The following EPM2A variants were observed in gnomAD, a reference collection of about 807,000 sequenced individuals.
EPM2A encodes EPM2A glucan phosphatase, laforin, also known as laforin.
In EPM2A, 21 loss-of-function variants were observed where a neutral mutation model predicts 26.5. The observed-to-expected ratio is 0.79, with a 90% CI of 0.56 to 1.14. The LOEUF is 1.14. Ranked by LOEUF, EPM2A falls within the 50% of genes most tolerant of loss-of-function variation. EPM2A has a pLI of 0.00. For missense variants in EPM2A, 458 were observed against 440.8 expected (o/e 1.04, Z -0.35); for synonymous variants, 217 against 177.6 (o/e 1.22, Z -1.76).
chr6:145,668,266 A>C (rs1410717666), intron 2 of EPM2A, among the ~76,000 whole-genome samples: 1 of 152,202 alleles, frequency 6.6e-6, no homozygotes, highest in Non-Finnish European at 1.5e-5. Context: ...ATCTAAGAAA[A>C]AAAGGATAAT....
At chr6:145,575,751 G>A (rs1329670639) in intron 2 of EPM2A, among the ~76,000 whole-genome samples, 2 of 152,176 alleles carry the variant, frequency 1.3e-5, no homozygotes, top group African/African-American at 4.8e-5. Flanking sequence ...GACTATCAGT[G>A]TTCTCCATAC....
At chr6:145,404,217 G>T (rs1440178891) in intron 4 of EPM2A, among the ~76,000 whole-genome samples, 1 of 151,974 alleles carries the variant, frequency 6.6e-6, no homozygotes, top group Non-Finnish European at 1.5e-5. Context: ...TCTGTGGATT[G>T]TCTCTTTGTT....
intron 4 of EPM2A, among the ~76,000 whole-genome samples, chr6:145,416,900 G>A (rs1053086324): frequency 6.6e-6 from 1 of 151,862 alleles, no homozygotes; most frequent in African/African-American, 2.4e-5. Context: ...TATTCCCAGA[G>A]TAAATATATC....
At chr6:145,453,680 A>G (rs1779226249) in intron 4 of EPM2A, among the ~76,000 whole-genome samples, 1 of 152,198 alleles carries the variant, frequency 6.6e-6, no homozygotes, top group Admixed American at 6.5e-5. Context: ...TGGCAACTTC[A>G]GGATAGCAGA....
intron 2 of EPM2A, among the ~76,000 whole-genome samples, chr6:145,588,575 T>C (rs781633844): frequency 1.3e-5 from 2 of 152,192 alleles, no homozygotes; most frequent in Non-Finnish European, 2.9e-5. Flanking sequence ...TCAGCACTCA[T>C]TGTTCTATGT....
At chr6:145,507,761 G>A (rs1359376265) in intron 2 of EPM2A, among the ~76,000 whole-genome samples, 2 of 152,212 alleles carry the variant, frequency 1.3e-5, no homozygotes, top group African/African-American at 4.8e-5. Flanking sequence ...TGTCCCAGCA[G>A]TAGATGCTAG....
intron 2 of EPM2A, among the ~76,000 whole-genome samples, chr6:145,680,435 C>T (rs1780429178): frequency 6.6e-6 from 1 of 150,600 alleles, no homozygotes; most frequent in South Asian, 2.1e-4. Flanking sequence ...TACATGTGCA[C>T]AATGTGCAGG....
At chr6:145,598,361 A>C (rs570214192) in intron 2 of EPM2A, among the ~76,000 whole-genome samples, 1 of 152,082 alleles carries the variant, frequency 6.6e-6, no homozygotes, top group South Asian at 2.1e-4. Context: ...TGTTGGCCCT[A>C]TGTATGTCTT....
chr6:145,674,200 G>A (rs1466430330), intron 2 of EPM2A, among the ~76,000 whole-genome samples: 1 of 152,174 alleles, frequency 6.6e-6, no homozygotes, highest in Non-Finnish European at 1.5e-5. Context: ...CTGAAGCTGA[G>A]GGACCTAACT....
At chr6:145,635,703 C>A in intron 2 of EPM2A, 2 of 538,684 alleles carry the variant, frequency 3.7e-6, no homozygotes, top group South Asian at 2.1e-5. Context: ...AACTAGAACG[C>A]CAGGAAATGG....
chr6:145,633,461 T>C (rs1376020374), intron 3 of EPM2A, among the ~76,000 whole-genome samples: 5 of 152,220 alleles, frequency 3.3e-5, no homozygotes, highest in African/African-American at 1.2e-4. Flanking sequence ...AGCTAAATCA[T>C]GCTTCCTTAG....
At position 145,711,912 on chromosome 6, in the gene EPM2A, ATTAAC is replaced by A. The variant is rs370042061; in HGVS notation, c.301+23281_301+23285del. ...GGTTTCAAAATTTTTTGGAACTAAA[ATTAAC>A]TTATACTAACTTGCTATAACATATC... On this transcript the variant is annotated intron_variant, in intron 1 of 3. Coordinates refer to ENST00000367519, the MANE Select transcript of EPM2A (RefSeq NM_005670.4). Among the ~76,000 whole-genome samples, 797 of 152,262 alleles carry A rather than the reference ATTAAC, an allele frequency of 5.2e-3. 4 individuals are homozygous for A. The highest frequency in any genetic ancestry group is 0.018 in the African/African-American group (763 of 41,548).
chr6:145,648,478 T>C (rs1278140428), intron 2 of EPM2A, among the ~76,000 whole-genome samples: 1 of 152,214 alleles, frequency 6.6e-6, no homozygotes, highest in East Asian at 1.9e-4. Context: ...CCATGGACCA[T>C]AACCATAAGT....
At chr6:145,493,864 TG>T (rs1311912657) in intron 4 of EPM2A, among the ~76,000 whole-genome samples, 1 of 152,232 alleles carries the variant, frequency 6.6e-6, no homozygotes, top group Non-Finnish European at 1.5e-5. Flanking sequence ...AAACTTTTGA[TG>T]GGCTGCTGGA....
chr6:145,548,273 G>T (rs1234335790), intron 2 of EPM2A, among the ~76,000 whole-genome samples: 2 of 152,064 alleles, frequency 1.3e-5, no homozygotes, highest in Admixed American at 1.3e-4. Flanking sequence ...CAAGAATTCA[G>T]TTTAACTGCA....
intron 2 of EPM2A, among the ~76,000 whole-genome samples, chr6:145,590,530 G>A (rs1359273349): frequency 6.6e-6 from 1 of 152,004 alleles, no homozygotes; most frequent in Non-Finnish European, 1.5e-5. Flanking sequence ...TAAGATTATA[G>A]ATTACTTCCC....
chr6:145,611,440 C>T (rs951143), intron 2 of EPM2A, among the ~76,000 whole-genome samples: 86,050 of 151,572 alleles, frequency 0.57, 25,535 homozygotes, highest in African/African-American at 0.76. Flanking sequence ...GCCATCTCCA[C>T]TTTCCACTCA....
chr6:145,447,093 A>G (rs1386615904), intron 4 of EPM2A, among the ~76,000 whole-genome samples: 2 of 152,134 alleles, frequency 1.3e-5, no homozygotes, highest in African/African-American at 2.4e-5. Context: ...ACTGAGAGCA[A>G]GAACTTAGTT....
At position 145,437,548 on chromosome 6, in the gene EPM2A, A is replaced by C. The variant is rs76344182; in HGVS notation, c.556-53451T>G. On this transcript the variant is annotated intron_variant, in intron 4 of 4. Transcript: ENST00000638717. Reference sequence around the variant, plus strand: ...TACGCTGATCAAAATTTTCACCAAGAATCAGTTGAAAATGTTGCCACCTCA... The same window carrying C: ...TACGCTGATCAAAATTTTCACCAAGCATCAGTTGAAAATGTTGCCACCTCA... Among the ~76,000 whole-genome samples, 10 of 152,342 alleles carry C rather than the reference A, an allele frequency of 6.6e-5. No individual in the cohort carries two copies. The East Asian group carries it at 1.9e-3, about 29-fold the overall frequency.
Sources: allele counts gnomAD v4.1 joint callset (sites outside exome capture counted in the v4.1 genomes callset), GRCh38; gene constraint gnomAD v4.1.1; transcripts MANE v1.5; gene names NCBI Gene and HGNC (gene_info 2026-07-23, HGNC 2026-07-21).